The following GRIN2B variants were observed in gnomAD, a reference collection of about 807,000 sequenced individuals.
The protein encoded by GRIN2B is glutamate ionotropic receptor NMDA type subunit 2B.
Under a neutral mutation model 114.5 loss-of-function variants are expected in GRIN2B, and 5 were observed. That is an observed-to-expected ratio of 0.04 (90% CI 0.02 to 0.09). The LOEUF (loss-of-function observed/expected upper bound fraction) is 0.09. Among genes scored for constraint, GRIN2B ranks in the 10% least tolerant of loss-of-function variants. GRIN2B has a pLI of 1.00. For missense variants in GRIN2B, 1,108 were observed against 1,943.5 expected (o/e 0.57, Z 8.08); for synonymous variants, 787 against 745.1 (o/e 1.06, Z -0.92).
intron 2 of GRIN2B, among the ~76,000 whole-genome samples, chr12:13,922,843 C>A (rs988335697): frequency 6.6e-6 from 1 of 152,170 alleles, no homozygotes; most frequent in Non-Finnish European, 1.5e-5. Context: ...ATGCCCCAAC[C>A]TCCCTTCTAA....
intron 3 of GRIN2B, among the ~76,000 whole-genome samples, chr12:13,791,151 T>C (rs2136664686): frequency 6.6e-6 from 1 of 152,150 alleles, no homozygotes; most frequent in African/African-American, 2.4e-5. Context: ...TAGAATATGT[T>C]TATGACAGCA....
chr12:13,695,000 A>G (rs1046361534), intron 4 of GRIN2B, among the ~76,000 whole-genome samples: 1 of 152,044 alleles, frequency 6.6e-6, no homozygotes, highest in African/African-American at 2.4e-5. Flanking sequence ...CAGACTCTGA[A>G]GAATTAAGAG....
intron 4 of GRIN2B, among the ~76,000 whole-genome samples, chr12:13,685,740 G>A (rs898027198): frequency 2.0e-5 from 3 of 152,160 alleles, no homozygotes; most frequent in Admixed American, 2.0e-4. Flanking sequence ...TTCACATAGG[G>A]AACGAAATCA....
intron 4 of GRIN2B, among the ~76,000 whole-genome samples, chr12:13,733,019 A>G (rs1483502068): frequency 6.6e-6 from 1 of 152,202 alleles, no homozygotes; most frequent in Non-Finnish European, 1.5e-5. Flanking sequence ...ATATATTAAA[A>G]GTTTAACCAG....
chr12:13,881,411 G>T (rs115593860), intron 2 of GRIN2B, among the ~76,000 whole-genome samples: 1 of 151,964 alleles, frequency 6.6e-6, no homozygotes, highest in African/African-American at 2.4e-5. Flanking sequence ...TCTCTTCAGC[G>T]GGTTTCATTT....
chr12:13,743,620 A>G (rs1863322806), intron 4 of GRIN2B, among the ~76,000 whole-genome samples: 1 of 152,012 alleles, frequency 6.6e-6, no homozygotes, highest in Non-Finnish European at 1.5e-5. Flanking sequence ...GAAGAAAGTC[A>G]ATGGGAGTGT....
intron 3 of GRIN2B, among the ~76,000 whole-genome samples, chr12:13,835,438 G>T (rs1216796794): frequency 6.6e-6 from 1 of 152,058 alleles, no homozygotes; most frequent in Non-Finnish European, 1.5e-5. Flanking sequence ...AGCCACAGTT[G>T]TCTCTTCCTT....
intron 3 of GRIN2B, among the ~76,000 whole-genome samples, chr12:13,864,025 G>A (rs899145643): frequency 6.6e-6 from 1 of 152,268 alleles, no homozygotes; most frequent in African/African-American, 2.4e-5. Context: ...TCTACCTGAA[G>A]CACAACTCAA....
intron 4 of GRIN2B, among the ~76,000 whole-genome samples, chr12:13,692,386 A>G (rs943894237): frequency 1.3e-5 from 2 of 152,168 alleles, no homozygotes; most frequent in Admixed American, 1.3e-4. Context: ...TACATACAGC[A>G]GGTCCTCAAA....
Position 13,778,582 on chromosome 12 carries a change from TTTA to T in GRIN2B, c.412-24670_412-24668del, listed in dbSNP as rs1289466529. On this transcript the variant is annotated intron_variant, in intron 3 of 13. Transcript: ENST00000609686. ...CCCAGAGGCCTCAGAGCAGCTGCCA[TTTA>T]CTAACTAGTATAGAGAGTTCCTTAT... is the stretch of plus-strand genomic sequence containing the variant. Among the ~76,000 whole-genome samples, 296 of 152,286 alleles carry T rather than the reference TTTA, an allele frequency of 1.9e-3. 2 individuals are homozygous for T. The highest frequency in any genetic ancestry group is 6.8e-3 in the African/African-American group (283 of 41,580).
chr12:13,727,034 T>A (rs915134637), intron 4 of GRIN2B, among the ~76,000 whole-genome samples: 8 of 152,126 alleles, frequency 5.3e-5, no homozygotes, highest in Non-Finnish European at 1.0e-4. Flanking sequence ...CAAGATTAAA[T>A]AACTAGTAAT....
intron 5 of GRIN2B, among the ~76,000 whole-genome samples, chr12:13,635,787 T>G (rs1178629532): frequency 6.6e-6 from 1 of 152,202 alleles, no homozygotes. Context: ...ATTTTATACC[T>G]CACAGATTTT....
intron 3 of GRIN2B, among the ~76,000 whole-genome samples, chr12:13,847,292 A>G (rs1865487607): frequency 6.6e-6 from 1 of 152,124 alleles, no homozygotes; most frequent in Non-Finnish European, 1.5e-5. Flanking sequence ...GACCAAGCAT[A>G]TGGATGGGGA....
At chr12:13,835,786 A>G (rs537680158) in intron 3 of GRIN2B, among the ~76,000 whole-genome samples, 24 of 151,604 alleles carry the variant, frequency 1.6e-4, no homozygotes, top group Admixed American at 1.3e-3. Context: ...AAAAAAAAAA[A>G]AAAAAAAAAG....
chr12:13,590,418 G>A (rs914962030), intron 10 of GRIN2B, among the ~76,000 whole-genome samples: 4 of 152,016 alleles, frequency 2.6e-5, no homozygotes, highest in Non-Finnish European at 4.4e-5. Flanking sequence ...GTGCTGGTGT[G>A]TGATGTTCCC....
chr12:13,862,679 C>A lies in GRIN2B; in HGVS notation c.411+3119G>T, dbSNP rs200251718. Among the ~76,000 whole-genome samples, 238 of 149,400 alleles carry A rather than the reference C, an allele frequency of 1.6e-3. 1 individual carries two copies. In the East Asian group the frequency reaches 0.018, roughly 11 times the overall value. The stretch of plus-strand genomic sequence containing the variant: ...CTTCTATTAAAAAAACAAAACAAAA[C>A]AAAAAAAAAACCTGGCCTTAGTTTT... On this transcript the variant is annotated intron_variant, in intron 3 of 13. Coordinates refer to ENST00000609686, the MANE Select transcript of GRIN2B (RefSeq NM_000834.5).
intron 3 of GRIN2B, among the ~76,000 whole-genome samples, chr12:13,809,819 A>C (rs1864692714): frequency 6.6e-6 from 1 of 152,204 alleles, no homozygotes; most frequent in African/African-American, 2.4e-5. Flanking sequence ...ATCTTCATCC[A>C]GCAATCAGAG....
intron 3 of GRIN2B, among the ~76,000 whole-genome samples, chr12:13,803,635 C>T (rs755714813): frequency 3.9e-5 from 6 of 152,118 alleles, no homozygotes; most frequent in Non-Finnish European, 7.4e-5. Context: ...TGTAAACCAA[C>T]GTAAAAACTG....
At chr12:13,866,899 T>C (rs1865837446) in intron 2 of GRIN2B, among the ~76,000 whole-genome samples, 1 of 152,224 alleles carries the variant, frequency 6.6e-6, no homozygotes, top group African/African-American at 2.4e-5. Context: ...AACATTATTA[T>C]CACCATTTTT....
Sources: allele counts gnomAD v4.1 joint callset (sites outside exome capture counted in the v4.1 genomes callset), GRCh38; gene constraint gnomAD v4.1.1; transcripts MANE v1.5; gene names NCBI Gene and HGNC (gene_info 2026-07-23, HGNC 2026-07-21).